The following NHSL1 variants were observed in gnomAD, a reference collection of about 807,000 sequenced individuals.
NHSL1 encodes the protein NHS-like protein 1.
NHSL1 carries 48 observed loss-of-function variants against 95.0 expected under a neutral mutation model. The observed-to-expected ratio is 0.51, with a 90% CI of 0.40 to 0.64. The LOEUF (loss-of-function observed/expected upper bound fraction) is 0.64. Ranked by LOEUF, NHSL1 falls within the 30% of genes least tolerant of loss-of-function variation. The pLI, the probability that NHSL1 is intolerant of heterozygous loss-of-function variation, is 0.00. For missense variants in NHSL1, 1,971 were observed against 2,077.7 expected (o/e 0.95, Z 1.00); for synonymous variants, 783 against 833.9 (o/e 0.94, Z 1.05).
At chr6:138,626,111 G>C (rs920234746) in intron 1 of NHSL1, among the ~76,000 whole-genome samples, 6 of 152,192 alleles carry the variant, frequency 3.9e-5, no homozygotes, top group Non-Finnish European at 5.9e-5. Flanking sequence ...GGCTGTCTCT[G>C]GACAGCTTGG....
chr6:138,477,017 A>G (rs1214122385), intron 2 of NHSL1, among the ~76,000 whole-genome samples: 1 of 151,554 alleles, frequency 6.6e-6, no homozygotes, highest in Non-Finnish European at 1.5e-5. Context: ...ACCAAATTTT[A>G]AGACAATGAG....
chr6:138,639,817 A>G (rs1247894986), intron 1 of NHSL1, among the ~76,000 whole-genome samples: 4 of 150,032 alleles, frequency 2.7e-5, no homozygotes, highest in Non-Finnish European at 1.5e-5. Flanking sequence ...AAAAAAAAAA[A>G]AAAAAAAAGT....
chr6:138,625,580 A>C (rs1400453909), intron 1 of NHSL1, among the ~76,000 whole-genome samples: 1 of 151,838 alleles, frequency 6.6e-6, no homozygotes, highest in Non-Finnish European at 1.5e-5. Context: ...TTCTTGAAGA[A>C]TAGTATAGTG....
intron 1 of NHSL1, among the ~76,000 whole-genome samples, chr6:138,658,700 T>C (rs1785188130): frequency 2.6e-5 from 4 of 152,194 alleles, no homozygotes; most frequent in Admixed American, 2.0e-4. Flanking sequence ...TTCCTTTGGA[T>C]ATATACCCAG....
chr6:138,630,830 A>G (rs892192160), intron 1 of NHSL1, among the ~76,000 whole-genome samples: 26 of 152,228 alleles, frequency 1.7e-4, no homozygotes, highest in Admixed American at 1.7e-3. Flanking sequence ...GTGGAATAGA[A>G]GGCTCCACCC....
At position 138,424,754 on chromosome 6, in the gene NHSL1, G is replaced by A; in HGVS notation, c.4148C>T (p.Pro1383Leu). 1.3e-6 allele frequency: 2 copies of A among 1,551,390 alleles called. No homozygotes were observed. Among genetic ancestry groups the A allele is most frequent in the Non-Finnish European group, 1.7e-6 (2 of 1,146,830 alleles). ...GCCGGTGGGTGTCACGGGCGGGGAG[G>A]GAGAATGGTTTCGGGAGTGGTCATC... The part of the protein sequence containing the change: ...SDDDHSRNHS[P>L]SPPVTPTGAA... Residue 1383 changes from proline to leucine, a missense_variant, in exon 8 of 8, where the codon CCC (proline) becomes CTC (leucine). Transcript: ENST00000343505. This position sits in a 1 kb window ranked among gnomAD's most constrained non-coding sequence, Gnocchi z 5.9.
chr6:138,610,252 A>G (rs1272004438), intron 1 of NHSL1, among the ~76,000 whole-genome samples: 1 of 152,180 alleles, frequency 6.6e-6, no homozygotes, highest in Non-Finnish European at 1.5e-5. Flanking sequence ...AAATGTGAAG[A>G]GTCCAGAGAT....
chr6:138,565,641 T>G lies in NHSL1; in HGVS notation c.202+6069A>C, dbSNP rs944432888. ...ATACTGTAGTTTTCAAAAAAAACTC[T>G]AGGCTGGGCATGGTGGCTCAGGCTT... On this transcript the variant is annotated intron_variant, in intron 1 of 6. Transcript: ENST00000427025. Among the ~76,000 whole-genome samples the G allele has an allele frequency of 8.5e-5, 13 of 152,088 alleles. No individual in the cohort carries two copies. In the East Asian group the frequency reaches 2.5e-3, roughly 29 times the overall value.
At chr6:138,472,703 G>A (rs1778828405) in intron 3 of NHSL1, among the ~76,000 whole-genome samples, 1 of 152,142 alleles carries the variant, frequency 6.6e-6, no homozygotes, top group Non-Finnish European at 1.5e-5. Context: ...TTAGTATTGA[G>A]AAAATTACTT....
upstream of NHSL1, among the ~76,000 whole-genome samples, chr6:138,573,646 A>G (rs1196361136): frequency 2.6e-5 from 4 of 152,314 alleles, no homozygotes; most frequent in Middle Eastern, 0.01. Flanking sequence ...AATGACAGAG[A>G]ACAGGTATTA....
chr6:138,653,375 G>A (rs1232520364), intron 1 of NHSL1, among the ~76,000 whole-genome samples: 2 of 152,150 alleles, frequency 1.3e-5, no homozygotes, highest in Non-Finnish European at 2.9e-5. Context: ...CCAACAAGGT[G>A]AAACCCCGTC....
intron 1 of NHSL1, among the ~76,000 whole-genome samples, chr6:138,543,674 AAAGT>A (rs1483164073): frequency 6.6e-6 from 1 of 152,256 alleles, no homozygotes; most frequent in Non-Finnish European, 1.5e-5. Context: ...CCACTTTTCC[AAAGT>A]AAGAACACAA....
intron 1 of NHSL1, among the ~76,000 whole-genome samples, chr6:138,606,257 C>T (rs1784432269): frequency 6.6e-6 from 1 of 152,186 alleles, no homozygotes; most frequent in Non-Finnish European, 1.5e-5. Context: ...ATACTTCATT[C>T]CCCACAGAGA....
At chr6:138,643,563 A>G (rs1167552031) in intron 1 of NHSL1, among the ~76,000 whole-genome samples, 2 of 152,238 alleles carry the variant, frequency 1.3e-5, no homozygotes, top group Non-Finnish European at 2.9e-5. Flanking sequence ...ATCCCATACT[A>G]TATGTGTTGC....
chr6:138,510,374 T>C (rs13193816), intron 1 of NHSL1, among the ~76,000 whole-genome samples: 188 of 152,346 alleles, frequency 1.2e-3, no homozygotes, highest in Non-Finnish European at 2.3e-3. Context: ...GCAAGACCTA[T>C]AGTTAAGTCT....
intron 1 of NHSL1, among the ~76,000 whole-genome samples, chr6:138,518,136 C>T (rs1781530433): frequency 6.6e-6 from 1 of 152,160 alleles, no homozygotes; most frequent in African/African-American, 2.4e-5. Context: ...TCCAAAGTCA[C>T]CTGAGATTTG....
Position 138,424,196 on chromosome 6 carries a change from TC to T in NHSL1, c.4705del (p.Glu1569ArgfsTer34). Reference protein sequence around the residue: ...EMDEGGLLCGEGPAASLQPQA... With the variant: ...EMDEGGLLCGXGPAASLQPQA... ...GGGCTGCAGGGAGGCGGCAGGCCCC[TC>T]CCCACAGAGCAGGCCGCCCTCGTCC... On this transcript the variant is annotated frameshift_variant, in exon 8 of 8. Coordinates refer to ENST00000343505, the MANE Select transcript of NHSL1 (RefSeq NM_001144060.2). LOFTEE classifies it low-confidence loss of function (END_TRUNC). The surrounding 1 kb of genome is among the most constrained non-coding windows in gnomAD (Gnocchi z 5.9). The T allele has an allele frequency of 6.7e-7, 1 of 1,485,410 alleles. No individual in the cohort carries two copies. Among genetic ancestry groups the T allele is most frequent in the Admixed American group, 2.4e-5 (1 of 41,792 alleles). 92.0% of individuals were successfully genotyped at this position (1,485,410 alleles called of 1,614,324 possible).
Position 138,430,375 on chromosome 6 carries a change from C to T in NHSL1, c.3952+18G>A, listed in dbSNP as rs1405380940. 1 of 1,450,150 alleles carries T rather than the reference C, an allele frequency of 6.9e-7. No individual in the cohort carries two copies. Among genetic ancestry groups the T allele is most frequent in the South Asian group, 1.5e-5 (1 of 65,866 alleles). 89.8% of individuals were successfully genotyped at this position (1,450,150 alleles called of 1,614,324 possible). Reference sequence around the variant, plus strand: ...GGGCAGAGGGCACAGGAGAGAGAAGCCAGGAAGCCAGACTCACCTGCTCCG... The same window carrying T: ...GGGCAGAGGGCACAGGAGAGAGAAGTCAGGAAGCCAGACTCACCTGCTCCG... On this transcript the variant is annotated intron_variant, in intron 6 of 7. Coordinates refer to ENST00000343505, the MANE Select transcript of NHSL1 (RefSeq NM_001144060.2). The surrounding 1 kb of genome is among the most constrained non-coding windows in gnomAD (Gnocchi z 4.7).
At chr6:138,549,566 A>G (rs939182817), upstream of NHSL1, among the ~76,000 whole-genome samples, 3 of 152,156 alleles carry the variant, frequency 2.0e-5, no homozygotes, top group Non-Finnish European at 2.9e-5. Context: ...TACCACCTTG[A>G]TTTTAGAACT....
Sources: gnomAD v4.1 joint callset for allele counts (sites outside exome capture counted in the v4.1 genomes callset) on GRCh38, gnomAD v4.1.1 for gene constraint, Gnocchi (gnomAD v3.1) non-coding constraint, MANE v1.5 for transcripts, NCBI Gene and HGNC (gene_info 2026-07-23, HGNC 2026-07-21) for gene names.